The following ERAP1 variants were observed in gnomAD, a reference collection of about 807,000 sequenced individuals.
ERAP1 encodes the protein adipocyte-derived leucine aminopeptidase.
ERAP1 carries 86 observed loss-of-function variants against 103.7 expected under a neutral mutation model. The ratio of observed to expected loss-of-function variants is 0.83; its 90% CI spans 0.70 to 0.99. The LOEUF (loss-of-function observed/expected upper bound fraction) is 0.99, where lower values mean the gene tolerates loss of function less well. Among genes scored for constraint, ERAP1 ranks in the 50% least tolerant of loss-of-function variants. ERAP1 has a pLI of 0.00. For synonymous variants in ERAP1, 398 were observed against 402.4 expected, an observed-to-expected ratio of 0.99 and a Z score of 0.13; for missense variants, 1,009 against 1,128.4, an observed-to-expected ratio of 0.89 and a Z score of 1.52.
intron 4 of ERAP1, among the ~76,000 whole-genome samples, chr5:96,796,562 G>A (rs1443379771): frequency 6.6e-6 from 1 of 152,172 alleles, no homozygotes; most frequent in Non-Finnish European, 1.5e-5. Flanking sequence ...ACCTTCCAAA[G>A]AAGTAAATAC....
rs764116738 is a variant in ERAP1, at chr5:96,803,664, T to A, written c.263A>T (p.Gln88Leu). The A allele has an allele frequency of 3.7e-6, 6 of 1,614,240 alleles. No individual in the cohort carries two copies. In the South Asian group the frequency reaches 6.6e-5, roughly 18 times the overall value. The change falls in exon 2 of 19, where the codon CAG becomes CTG. Residue 88 changes from glutamine (Q) to leucine (L), a missense_variant. By Grantham distance (113) the Gln-to-Leu change is moderately radical. Transcript: ENST00000443439. ...ATGCAGGATGATGGTGCTGGTGGGC[T>A]GACTGGCTGTGATTTCTACTTTCGT... ...GTTKVEITASQPTSTIILHSH... is the reference protein window; with the variant it reads ...GTTKVEITASLPTSTIILHSH...
At chr5:96,909,651 C>A in the ERAP1 span, 2 of 1,614,178 alleles carry the variant, frequency 1.2e-6, no homozygotes, top group Non-Finnish European at 1.7e-6. Context: ...CAGTCTGGGA[C>A]AGGATGCTCC....
At chr5:96,856,349 A>AAAAATAT in the ERAP1 span, among the ~76,000 whole-genome samples, 2 of 8,536 alleles carry the variant, frequency 2.3e-4, no homozygotes, top group African/African-American at 7.2e-4. Flanking sequence ...AAAAAAAAAA[A>AAAAATAT]ATATATATAT....
At chr5:96,858,217 C>CTT in the ERAP1 span, among the ~76,000 whole-genome samples, 1,806 of 137,110 alleles carry the variant, frequency 0.013, 15 homozygotes, top group Middle Eastern at 0.023. Flanking sequence ...TGTTCTTCTT[C>CTT]TTTTTTTTTT....
upstream of ERAP1, among the ~76,000 whole-genome samples, chr5:96,810,745 C>A (rs62376391): frequency 0.067 from 10,183 of 152,298 alleles, 417 homozygotes; most frequent in Middle Eastern, 0.15. Context: ...TACTGATCTA[C>A]TTAAAAAATA....
the ERAP1 span, among the ~76,000 whole-genome samples, chr5:96,893,847 C>T: frequency 6.6e-6 from 1 of 152,200 alleles, no homozygotes; most frequent in Non-Finnish European, 1.5e-5. Context: ...ATCCTCATCT[C>T]TTGCCTACAC....
chr5:96,873,684 CA>C, the ERAP1 span: 1 of 321,208 alleles, frequency 3.1e-6, no homozygotes, highest in Non-Finnish European at 6.2e-6. Context: ...TAAGGAAAAA[CA>C]AAAAACAAAA....
chr5:96,886,443 C>T, the ERAP1 span, among the ~76,000 whole-genome samples: 1 of 152,136 alleles, frequency 6.6e-6, no homozygotes, highest in Non-Finnish European at 1.5e-5. Context: ...ATCTCAAAAG[C>T]AGGGCTTTTT....
At chr5:96,800,173 T>C (rs1025344915) in intron 3 of ERAP1, among the ~76,000 whole-genome samples, 10 of 152,222 alleles carry the variant, frequency 6.6e-5, no homozygotes, top group Non-Finnish European at 1.2e-4. Flanking sequence ...AGCTGATGCT[T>C]TTCTAAACTA....
the ERAP1 span, among the ~76,000 whole-genome samples, chr5:96,850,622 C>T: frequency 6.6e-6 from 1 of 151,960 alleles, no homozygotes; most frequent in African/African-American, 2.4e-5. Flanking sequence ...AGAAAAGGGA[C>T]CTTTTGTATG....
At chr5:96,874,168 AAGAAAGAAAGAAAG>A in the ERAP1 span, among the ~76,000 whole-genome samples, 3 of 92,576 alleles carry the variant, frequency 3.2e-5, no homozygotes, top group Admixed American at 2.3e-4. Flanking sequence ...GAAAGAAAGA[AAGAAAGAAAGAAAG>A]AGAGAGAGAA....
At chr5:96,915,700 C>T in the ERAP1 span, 3 of 1,542,462 alleles carry the variant, frequency 1.9e-6, no homozygotes, top group Non-Finnish European at 2.6e-6. Flanking sequence ...TTGACTTGGG[C>T]TCATATGACA....
the ERAP1 span, among the ~76,000 whole-genome samples, chr5:96,899,911 C>T: frequency 1.3e-5 from 2 of 152,140 alleles, no homozygotes; most frequent in South Asian, 2.1e-4. Flanking sequence ...TTTACACATG[C>T]GTATATATAA....
chr5:96,926,581 A>C, the ERAP1 span, among the ~76,000 whole-genome samples: 1 of 152,262 alleles, frequency 6.6e-6, no homozygotes, highest in Non-Finnish European at 1.5e-5. Flanking sequence ...TAAGTGGAAT[A>C]ATAACAATAT....
chr5:96,924,064 T>A, the ERAP1 span, among the ~76,000 whole-genome samples: 11 of 152,194 alleles, frequency 7.2e-5, no homozygotes, highest in African/African-American at 2.7e-4. Context: ...ATTTGTCGGC[T>A]GTAAAGCAGC....
At chr5:96,890,331 C>T in the ERAP1 span, among the ~76,000 whole-genome samples, 6 of 152,112 alleles carry the variant, frequency 3.9e-5, no homozygotes, top group Non-Finnish European at 8.8e-5. Flanking sequence ...CCCTCACATG[C>T]GCAGTTCACA....
chr5:96,811,377 C>A (rs1397165922), upstream of ERAP1, among the ~76,000 whole-genome samples: 1 of 152,170 alleles, frequency 6.6e-6, no homozygotes, highest in African/African-American at 2.4e-5. Flanking sequence ...TCACATTGTA[C>A]TTATGCAGGT....
chr5:96,791,124 G>C (rs1776687672), intron 8 of ERAP1, among the ~76,000 whole-genome samples: 2 of 152,182 alleles, frequency 1.3e-5, no homozygotes, highest in Non-Finnish European at 2.9e-5. Context: ...GCAGCCTTGA[G>C]CATGGAGGGC....
the ERAP1 span, among the ~76,000 whole-genome samples, chr5:96,888,081 C>T: frequency 6.7e-6 from 1 of 148,480 alleles, no homozygotes; most frequent in African/African-American, 2.5e-5. Context: ...ACTGACATTG[C>T]ACCAGGCACT....
Sources: allele counts gnomAD v4.1 joint callset (sites outside exome capture counted in the v4.1 genomes callset), GRCh38; gene constraint gnomAD v4.1.1; transcripts MANE v1.5; gene names NCBI Gene and HGNC (gene_info 2026-07-23, HGNC 2026-07-21).